Variants in TTBK2 observed in about 807,000 individuals in gnomAD.
The protein encoded by TTBK2 is tau tubulin kinase 2, also known as tau-tubulin kinase 2.
A neutral mutation model predicts 110.8 loss-of-function variants in TTBK2; 28 were observed. The observed-to-expected ratio is 0.25, with a 90% CI of 0.19 to 0.35. The LOEUF (loss-of-function observed/expected upper bound fraction) is 0.35. TTBK2 is among the 10% of genes least tolerant of loss of function. The pLI is 1.00. For synonymous variants in TTBK2, 532 were observed against 527.3 expected (o/e 1.01, Z -0.12); for missense variants, 1,369 against 1,500.3 (o/e 0.91, Z 1.45).
intron 3 of TTBK2, among the ~76,000 whole-genome samples, chr15:42,862,118 C>G (rs1179650827): frequency 6.6e-6 from 1 of 152,164 alleles, no homozygotes; most frequent in African/African-American, 2.4e-5. Context: ...AAAAAAAGCT[C>G]TGAACCAGAC....
chr15:42,753,307 G>T, intron 13 of TTBK2, 60 bp from the exon 14 acceptor site: 3 of 1,505,296 alleles, frequency 2.0e-6, no homozygotes, highest in Non-Finnish European at 1.8e-6. Flanking sequence ...AAAGATGCAT[G>T]CTTTGAGATT....
intron 3 of TTBK2, chr15:42,871,728 G>T: frequency 3.3e-6 from 1 of 299,930 alleles, no homozygotes; most frequent in Non-Finnish European, 4.9e-6. Context: ...TATTTTTCCA[G>T]TATTGACAAT....
intron 3 of TTBK2, among the ~76,000 whole-genome samples, chr15:42,867,832 G>T (rs35540205): frequency 6.6e-6 from 1 of 152,150 alleles, no homozygotes; most frequent in African/African-American, 2.4e-5. Context: ...ATGCTCTTTG[G>T]TATTTACCCA....
rs1216125499 is a variant in TTBK2, at chr15:42,746,093, A to G, written c.3437T>C (p.Val1146Ala). ...NPKTPPKSPV[V>A]PRRSPSASPR... ...AGAGGCACTGGGACTCCTGCGAGGGACAACTGGACTCTTGGGTGGTGTTTT... is the reference window on the plus strand; with the variant it reads ...AGAGGCACTGGGACTCCTGCGAGGGGCAACTGGACTCTTGGGTGGTGTTTT... Residue 1146 changes from valine (V) to alanine (A), a missense_variant, in exon 15 of 15, where the codon GTC becomes GCC. Val to Ala is a moderately conservative substitution (Grantham distance 64). Around this residue, in one of 4 missense-constraint regions of TTBK2, gnomAD observed 1,097 missense variants for 1,114.7 expected, o/e 0.98. Coordinates refer to ENST00000267890, the MANE Select transcript of TTBK2 (RefSeq NM_173500.4). The G allele has an allele frequency of 3.1e-6, 5 of 1,613,966 alleles. No individual in the cohort carries two copies.
At chr15:42,793,225 C>T (rs1890774831) in intron 10 of TTBK2, among the ~76,000 whole-genome samples, 1 of 152,114 alleles carries the variant, frequency 6.6e-6, no homozygotes, top group African/African-American at 2.4e-5. Flanking sequence ...TAGGGTAGGT[C>T]CCAGGAATAG....
intron 13 of TTBK2, among the ~76,000 whole-genome samples, chr15:42,757,706 T>C (rs2061967079): frequency 6.6e-6 from 1 of 152,260 alleles, no homozygotes; most frequent in African/African-American, 2.4e-5. Flanking sequence ...TGGGGCGCTC[T>C]ACAAATGGAC....
intron 1 of TTBK2, among the ~76,000 whole-genome samples, chr15:42,880,686 A>G (rs1232631090): frequency 6.6e-6 from 1 of 152,156 alleles, no homozygotes; most frequent in African/African-American, 2.4e-5. Flanking sequence ...GAACCACTGC[A>G]CCTGGTCGGG....
chr15:42,870,280 C>G (rs992967051), intron 3 of TTBK2, among the ~76,000 whole-genome samples: 2 of 152,042 alleles, frequency 1.3e-5, no homozygotes, highest in African/African-American at 4.8e-5. Flanking sequence ...AGAGAGTAAT[C>G]TGACACAGCA....
At chr15:42,766,708 A>T (rs1889398325) in intron 13 of TTBK2, among the ~76,000 whole-genome samples, 1 of 152,154 alleles carries the variant, frequency 6.6e-6, no homozygotes. Flanking sequence ...CCCACTGTCA[A>T]CATTAGTCAG....
At chr15:42,762,515 G>A (rs1223273913) in intron 13 of TTBK2, among the ~76,000 whole-genome samples, 6 of 152,084 alleles carry the variant, frequency 3.9e-5, no homozygotes, top group East Asian at 1.9e-4. Context: ...GTCAGAGTTC[G>A]AGACCAGCCT....
chr15:42,886,137 G>A (rs1361056127), intron 1 of TTBK2, among the ~76,000 whole-genome samples: 1 of 151,802 alleles, frequency 6.6e-6, no homozygotes, highest in Non-Finnish European at 1.5e-5. Context: ...CCCAAGCTCT[G>A]AGTCCTCTGA....
chr15:42,905,975 G>A (rs2030367149), intron 1 of TTBK2, among the ~76,000 whole-genome samples: 1 of 152,196 alleles, frequency 6.6e-6, no homozygotes, highest in Admixed American at 6.5e-5. Context: ...GATCACCTGA[G>A]GTCGGGAGTT....
intron 13 of TTBK2, among the ~76,000 whole-genome samples, chr15:42,759,692 A>C (rs1189064482): frequency 6.6e-6 from 1 of 152,194 alleles, no homozygotes; most frequent in African/African-American, 2.4e-5. Flanking sequence ...TTGCATGAAG[A>C]CTACATTATT....
chr15:42,777,289 C>A (rs1889973207), intron 11 of TTBK2, 47 bp from the exon 12 acceptor site: 1 of 1,563,640 alleles, frequency 6.4e-7, no homozygotes, highest in African/African-American at 1.4e-5. Context: ...CTAGGCAACA[C>A]ACATGAGAGG....
chr15:42,800,127 A>G (rs2140889209), intron 9 of TTBK2, among the ~76,000 whole-genome samples: 1 of 152,170 alleles, frequency 6.6e-6, no homozygotes, highest in Non-Finnish European at 1.5e-5. Context: ...ATAAAAGTCA[A>G]TTACTATGTC....
intron 3 of TTBK2, among the ~76,000 whole-genome samples, chr15:42,868,928 C>T (rs1368497478): frequency 6.6e-6 from 1 of 151,820 alleles, no homozygotes; most frequent in Non-Finnish European, 1.5e-5. Context: ...CTTCAGGATT[C>T]TACATGTGTA....
intron 10 of TTBK2, among the ~76,000 whole-genome samples, chr15:42,790,987 C>T (rs1433032355): frequency 6.6e-6 from 1 of 152,128 alleles, no homozygotes; most frequent in Non-Finnish European, 1.5e-5. Flanking sequence ...GTGTTCACGC[C>T]ATTCTCCCGC....
chr15:42,795,774 C>T (rs769188777), intron 9 of TTBK2, among the ~76,000 whole-genome samples: 33 of 143,224 alleles, frequency 2.3e-4, no homozygotes, highest in Non-Finnish European at 4.1e-4. Context: ...ACCTGGGAGG[C>T]GGAGGCTGCA....
intron 9 of TTBK2, chr15:42,801,327 G>T: frequency 6.3e-7 from 1 of 1,596,028 alleles, no homozygotes; most frequent in Non-Finnish European, 8.6e-7. Context: ...GTCTTGACTG[G>T]CTAGCTGCAG....
Sources: gnomAD v4.1 joint callset for allele counts (sites outside exome capture counted in the v4.1 genomes callset) on GRCh38, gnomAD v4.1.1 for gene constraint, gnomAD v4.1.1 regional missense constraint, MANE v1.5 for transcripts, NCBI Gene and HGNC (gene_info 2026-07-23, HGNC 2026-07-21) for gene names.